Variants in EXPH5 observed in about 807,000 individuals in gnomAD.
The protein encoded by EXPH5 is exophilin 5, also known as exophilin-5.
EXPH5 carries 42 observed loss-of-function variants against 41.1 expected under a neutral mutation model. The ratio of observed to expected loss-of-function variants is 1.02; its 90% CI spans 0.80 to 1.32. EXPH5 has a LOEUF of 1.32. Ranked by LOEUF, EXPH5 falls within the 40% of genes most tolerant of loss-of-function variation. EXPH5 has a pLI of 0.00. For synonymous variants in EXPH5, 798 were observed against 833.5 expected (o/e 0.96, Z 0.73); for missense variants, 2,298 against 2,314.5 (o/e 0.99, Z 0.15).
intron 1 of EXPH5, among the ~76,000 whole-genome samples, chr11:108,580,671 G>A (rs932588554): frequency 4.0e-5 from 6 of 148,902 alleles, no homozygotes; most frequent in Non-Finnish European, 9.0e-5. Context: ...TCCAACAGAT[G>A]AATGGATAAA....
Position 108,512,482 on chromosome 11 carries a change from T to G in EXPH5, c.3025A>C (p.Asn1009His). ...HRSLIEANQS[N>H]SKVSELDTIY... is the part of the protein sequence containing the mutation. ...GTGTCAAGTTCAGAAACTTTGGAATTGCTTTGATTTGCTTCAATGAGGCTC... is the reference window on the plus strand; with the variant it reads ...GTGTCAAGTTCAGAAACTTTGGAATGGCTTTGATTTGCTTCAATGAGGCTC... Residue 1009 changes from asparagine (N) to histidine (H), a missense_variant, in exon 6 of 6, where the codon AAT becomes CAT. Coordinates refer to ENST00000265843, the MANE Select transcript of EXPH5 (RefSeq NM_015065.3). 6.2e-7 allele frequency: 1 copy of G among 1,614,018 alleles called. No individual in the cohort carries two copies. Among genetic ancestry groups the G allele is most frequent in the Non-Finnish European group, 8.5e-7 (1 of 1,179,988 alleles).
chr11:108,563,582 G>A (rs2094022002), intron 1 of EXPH5, among the ~76,000 whole-genome samples: 2 of 152,220 alleles, frequency 1.3e-5, no homozygotes, highest in African/African-American at 4.8e-5. Context: ...GAGCACACAA[G>A]AGAAGAGGCA....
At chr11:108,581,321 A>C (rs995732073) in intron 1 of EXPH5, among the ~76,000 whole-genome samples, 1 of 149,644 alleles carries the variant, frequency 6.7e-6, no homozygotes, top group Non-Finnish European at 1.5e-5. Flanking sequence ...AGAAAAAAAT[A>C]TATATATATG....
chr11:108,537,654 T>A (rs11212700), intron 3 of EXPH5, among the ~76,000 whole-genome samples: 36,599 of 152,120 alleles, frequency 0.24, 4,941 homozygotes, highest in African/African-American at 0.37. Flanking sequence ...TAGATCTATA[T>A]CTTCTTTGAT....
rs556631608 is a variant in EXPH5 at position 108,542,128 on chromosome 11, C to A, written c.120-316G>T. On this transcript the variant is annotated intron_variant, in intron 1 of 5. Transcript: ENST00000265843. ...CTCCTGAGCTCAAGCGATCTGCATGCCTCAGCCTCCCAAAGTGCTGGGATT... is the reference window on the plus strand; with the variant it reads ...CTCCTGAGCTCAAGCGATCTGCATGACTCAGCCTCCCAAAGTGCTGGGATT... 5.2e-3 allele frequency among the ~76,000 whole-genome samples: 795 copies of A among 152,262 alleles called. 3 individuals carry two copies. The highest frequency in any genetic ancestry group is 0.018 in the African/African-American group (755 of 41,528).
chr11:108,523,347 A>G (rs753635868), intron 4 of EXPH5, among the ~76,000 whole-genome samples: 21 of 152,298 alleles, frequency 1.4e-4, no homozygotes, highest in Non-Finnish European at 2.9e-4. Flanking sequence ...AAGTCACATG[A>G]ATAATCTATA....
intron 1 of EXPH5, among the ~76,000 whole-genome samples, chr11:108,590,169 T>C (rs879788602): frequency 1.3e-5 from 2 of 152,216 alleles, no homozygotes; most frequent in Non-Finnish European, 1.5e-5. Flanking sequence ...ACTTACAACG[T>C]CACTAACAAT....
Position 108,510,771 on chromosome 11 carries a change from A to C in EXPH5, c.4736T>G (p.Leu1579Trp). The change falls in exon 6 of 6, where the codon TTG (leucine) becomes TGG (tryptophan). Residue 1579 changes from leucine (L) to tryptophan (W), a missense_variant. Leu to Trp is a moderately conservative substitution (Grantham distance 61). Coordinates refer to ENST00000265843, the MANE Select transcript of EXPH5 (RefSeq NM_015065.3). ...LPEGNKNKTN[L>W]DDLVKGENRS... ...ATTTTCCCCCTTTACTAGGTCATCC[A>C]AGTTGGTTTTATTTTTGTTTCCTTC... The C allele has an allele frequency of 3.1e-6, 5 of 1,614,028 alleles. No individual in the cohort carries two copies. The highest frequency in any genetic ancestry group is 4.2e-6 in the Non-Finnish European group (5 of 1,179,990).
rs1317542258 is a variant in EXPH5, at chr11:108,511,745, G to T, written c.3762C>A (p.Tyr1254Ter). 1.2e-5 allele frequency: 19 copies of T among 1,611,788 alleles called. No individual in the cohort carries two copies. The highest frequency in any genetic ancestry group is 1.5e-5 in the Non-Finnish European group (18 of 1,179,512). Residue 1254 changes from tyrosine to a stop codon, truncating the protein, a stop_gained, in exon 6 of 6, where the codon TAC becomes TAA. Coordinates refer to ENST00000265843, the MANE Select transcript of EXPH5 (RefSeq NM_015065.3). LOFTEE classifies it low-confidence loss of function (END_TRUNC). Reference protein sequence around the residue: ...VKCLEVVSIYYTLPRKPSKKF... With the variant: ...VKCLEVVSIY ...TTTTGCTGGGTTTCCTCGGTAGAGT[G>T]TAATATATTGAGACCACCTCCAGAC... is the stretch of plus-strand genomic sequence containing the variant.
rs772925268 is a variant in EXPH5, at chr11:108,512,324, T to C, written c.3183A>G (p.Ala1061=). The C allele has an allele frequency of 8.7e-6, 14 of 1,613,232 alleles. No homozygotes were observed. Among genetic ancestry groups the C allele is most frequent in the Non-Finnish European group, 1.2e-5 (14 of 1,179,750 alleles). Residue 1061 remains alanine (A), a synonymous_variant, in exon 6 of 6, where the codon GCA becomes GCG. Coordinates refer to ENST00000265843, the MANE Select transcript of EXPH5 (RefSeq NM_015065.3). ...ATTTGTTTAACATATAGTTCCCCAT[T>C]GCATCTTCCACATTATTTTTGATTT... ...PFQIKNNVED[A]MGNYMLNKFS... is the part of the protein sequence containing the mutation.
intron 1 of EXPH5, among the ~76,000 whole-genome samples, chr11:108,589,621 G>C (rs1316388527): frequency 6.6e-6 from 1 of 152,172 alleles, no homozygotes; most frequent in African/African-American, 2.4e-5. Context: ...GATAGATTTA[G>C]GTTCAAATTC....
intron 1 of EXPH5, among the ~76,000 whole-genome samples, chr11:108,567,166 G>A (rs889990548): frequency 5.3e-5 from 8 of 152,200 alleles, no homozygotes; most frequent in Non-Finnish European, 1.2e-4. Flanking sequence ...GGGAAGAGAA[G>A]GAAGTCAAGT....
intron 1 of EXPH5, among the ~76,000 whole-genome samples, chr11:108,556,110 C>T (rs1456540817): frequency 6.6e-6 from 1 of 152,146 alleles, no homozygotes; most frequent in African/African-American, 2.4e-5. Flanking sequence ...CCTGGCAGAA[C>T]AATGGGTTTT....
chr11:108,594,433 A>G (rs2094135614), upstream of EXPH5, among the ~76,000 whole-genome samples: 1 of 152,258 alleles, frequency 6.6e-6, no homozygotes, highest in South Asian at 2.1e-4. Context: ...ATAAACTCAG[A>G]GAAGTAATAC....
At chr11:108,592,386 G>T (rs1372311811) in intron 1 of EXPH5, among the ~76,000 whole-genome samples, 2 of 152,098 alleles carry the variant, frequency 1.3e-5, no homozygotes, top group African/African-American at 4.8e-5. Flanking sequence ...GTCGGCGGTG[G>T]GGGACAGGCA....
At chr11:108,582,294 C>G (rs1312311078) in intron 1 of EXPH5, among the ~76,000 whole-genome samples, 1 of 151,900 alleles carries the variant, frequency 6.6e-6, no homozygotes, top group Non-Finnish European at 1.5e-5. Context: ...GAAACCCTGT[C>G]TCCACTAAAA....
chr11:108,556,469 T>C (rs1047793847), intron 1 of EXPH5, among the ~76,000 whole-genome samples: 1 of 152,058 alleles, frequency 6.6e-6, no homozygotes, highest in Non-Finnish European at 1.5e-5. Flanking sequence ...TTGTTTTGTT[T>C]TGTTTTGTTT....
chr11:108,518,987 C>T (rs1258559988), intron 4 of EXPH5, among the ~76,000 whole-genome samples: 1 of 152,156 alleles, frequency 6.6e-6, no homozygotes, highest in Non-Finnish European at 1.5e-5. Context: ...ATGAATAACC[C>T]ACCCCTTGTT....
intron 4 of EXPH5, 39 bp from the exon 5 acceptor site, chr11:108,518,412 C>T: frequency 6.3e-7 from 1 of 1,599,166 alleles, no homozygotes; most frequent in African/African-American, 1.3e-5. Context: ...ATTTCTGAGC[C>T]TTCACCAGTC....
Sources: allele counts gnomAD v4.1 joint callset (sites outside exome capture counted in the v4.1 genomes callset), GRCh38; gene constraint gnomAD v4.1.1; transcripts MANE v1.5; gene names NCBI Gene and HGNC (gene_info 2026-07-23, HGNC 2026-07-21).